The following TOP6BL variants were observed in gnomAD, a reference collection of about 807,000 sequenced individuals.
TOP6BL encodes the protein type 2 DNA topoisomerase 6 subunit B-like.
At chr11:66,804,217 C>T in the TOP6BL span, 3 of 1,554,296 alleles carry the variant, frequency 1.9e-6, no homozygotes, top group Non-Finnish European at 2.6e-6. Context: ...AAGTTCCATC[C>T]AATTATCTTT....
At chr11:66,766,931 C>G in the TOP6BL span, among the ~76,000 whole-genome samples, 1 of 152,198 alleles carries the variant, frequency 6.6e-6, no homozygotes, top group African/African-American at 2.4e-5. Context: ...TTGACATACT[C>G]ATAATTCTCC....
the TOP6BL span, among the ~76,000 whole-genome samples, chr11:66,825,143 C>T: frequency 1.3e-5 from 2 of 151,548 alleles, no homozygotes; most frequent in African/African-American, 4.8e-5. Flanking sequence ...GGATTACAGG[C>T]CCGAGCTACT....
chr11:66,756,020 GTTC>G, the TOP6BL span, among the ~76,000 whole-genome samples: 1 of 152,166 alleles, frequency 6.6e-6, no homozygotes, highest in Non-Finnish European at 1.5e-5. Flanking sequence ...GGGGGACATA[GTTC>G]AACCCACAAC....
At chr11:66,760,869 A>T in the TOP6BL span, among the ~76,000 whole-genome samples, 1 of 152,070 alleles carries the variant, frequency 6.6e-6, no homozygotes, top group African/African-American at 2.4e-5. Context: ...GTTATAAAAT[A>T]AATGTTTATG....
the TOP6BL span, among the ~76,000 whole-genome samples, chr11:66,825,988 C>T: frequency 7.9e-5 from 12 of 151,954 alleles, no homozygotes; most frequent in Non-Finnish European, 1.8e-4. Flanking sequence ...ACTACAGGCG[C>T]CCGCCACCAC....
At chr11:66,826,849 A>G in the TOP6BL span, among the ~76,000 whole-genome samples, 1 of 148,522 alleles carries the variant, frequency 6.7e-6, no homozygotes, top group East Asian at 2.0e-4. Context: ...CCCCTGGCTA[A>G]TTTTGTATTT....
the TOP6BL span, among the ~76,000 whole-genome samples, chr11:66,819,976 GGCTGAGGTGGGAGGATCACTTGA>G: frequency 2.6e-5 from 4 of 152,030 alleles, no homozygotes; most frequent in East Asian, 7.7e-4. Context: ...CTATTCGGGA[GGCTGAGGTGGGAGGATCACTTGA>G]GCCCCGGTGG....
chr11:66,783,868 C>T, the TOP6BL span, among the ~76,000 whole-genome samples: 1 of 152,142 alleles, frequency 6.6e-6, no homozygotes, highest in Non-Finnish European at 1.5e-5. Flanking sequence ...CTCTGTCACC[C>T]AGGCAGGAGT....
the TOP6BL span, among the ~76,000 whole-genome samples, chr11:66,832,183 C>T: frequency 6.6e-6 from 1 of 151,226 alleles, no homozygotes; most frequent in Admixed American, 6.6e-5. Context: ...CTGCAAGCTC[C>T]ACCCCCCGGG....
chr11:66,760,375 G>A, the TOP6BL span, among the ~76,000 whole-genome samples: 1 of 151,106 alleles, frequency 6.6e-6, no homozygotes, highest in Admixed American at 6.6e-5. Flanking sequence ...CTTGAACCCA[G>A]GAGGCAGAGG....
chr11:66,833,562 A>G, the TOP6BL span, among the ~76,000 whole-genome samples: 4 of 152,128 alleles, frequency 2.6e-5, no homozygotes, highest in African/African-American at 7.2e-5. Flanking sequence ...GACCCAGGAT[A>G]TAAGCGCAGA....
At chr11:66,841,511 TTTAC>T in the TOP6BL span, among the ~76,000 whole-genome samples, 1 of 152,240 alleles carries the variant, frequency 6.6e-6, no homozygotes, top group African/African-American at 2.4e-5. Flanking sequence ...CTCCACTGTC[TTTAC>T]TTGTTATTGG....
chr11:66,780,556 C>T, the TOP6BL span, among the ~76,000 whole-genome samples: 4 of 151,950 alleles, frequency 2.6e-5, no homozygotes, highest in East Asian at 1.9e-4. Flanking sequence ...TTGTCTTCTG[C>T]GCTTTATTGT....
the TOP6BL span, among the ~76,000 whole-genome samples, chr11:66,775,125 A>AAG: frequency 5.3e-5 from 8 of 151,414 alleles, no homozygotes; most frequent in Non-Finnish European, 1.2e-4. Context: ...AAAAAAAAAA[A>AAG]AAAAAAAAAA....
the TOP6BL span, among the ~76,000 whole-genome samples, chr11:66,821,163 A>G: frequency 1.3e-5 from 2 of 152,128 alleles, no homozygotes; most frequent in African/African-American, 4.8e-5. Flanking sequence ...GATAATTTGT[A>G]CACCTCTGTT....
At chr11:66,808,452 C>T in the TOP6BL span, among the ~76,000 whole-genome samples, 1 of 151,588 alleles carries the variant, frequency 6.6e-6, no homozygotes, top group Non-Finnish European at 1.5e-5. Flanking sequence ...TGCTTGAGCA[C>T]AGGAGGTCAG....
the TOP6BL span, among the ~76,000 whole-genome samples, chr11:66,778,902 A>G: frequency 1.3e-5 from 2 of 152,226 alleles, no homozygotes; most frequent in Non-Finnish European, 2.9e-5. Flanking sequence ...GACAAAAACA[A>G]GCAATGGGGA....
chr11:66,756,325 C>T, the TOP6BL span: 1 of 1,193,636 alleles, frequency 8.4e-7, no homozygotes. Flanking sequence ...ACAGTTAACC[C>T]CCTTTTCCCC....
the TOP6BL span, among the ~76,000 whole-genome samples, chr11:66,799,496 G>C: frequency 6.6e-6 from 1 of 151,318 alleles, no homozygotes; most frequent in Non-Finnish European, 1.5e-5. Context: ...ACTCACTTGG[G>C]TGGTCAGGAG....
Sources: allele counts gnomAD v4.1 joint callset (sites outside exome capture counted in the v4.1 genomes callset), GRCh38; gene constraint gnomAD v4.1.1; transcripts MANE v1.5; gene names NCBI Gene and HGNC (gene_info 2026-07-23, HGNC 2026-07-21).